Variants in ANKRD12 observed in about 807,000 individuals in gnomAD.
ANKRD12 encodes the protein ankyrin repeat domain 12.
A neutral mutation model predicts 183.4 loss-of-function variants in ANKRD12; 85 were observed. The observed-to-expected ratio is 0.46, with a 90% confidence interval of 0.39 to 0.56. The LOEUF is 0.56. Among genes scored for constraint, ANKRD12 ranks in the 20% least tolerant of loss-of-function variants. The probability of loss-of-function intolerance (pLI) is 0.00; values close to 1 mark genes in which losing one functional copy is unlikely to be tolerated. For missense variants in ANKRD12, 2,405 were observed against 2,357.1 expected (o/e 1.02, Z -0.42); for synonymous variants, 914 against 800.2 (o/e 1.14, Z -2.40).
intron 10 of ANKRD12, among the ~76,000 whole-genome samples, chr18:9,266,551 C>CAGT (rs1446837638): frequency 6.6e-6 from 1 of 152,150 alleles, no homozygotes; most frequent in Non-Finnish European, 1.5e-5. Flanking sequence ...AAATACTTTA[C>CAGT]AGACAAGCAA....
intron 7 of ANKRD12, among the ~76,000 whole-genome samples, chr18:9,219,902 C>T (rs530104836): frequency 6.6e-6 from 1 of 152,312 alleles, no homozygotes; most frequent in Admixed American, 6.5e-5. Context: ...TTGCTCCTCT[C>T]TCACCCTGGG....
intron 1 of ANKRD12, among the ~76,000 whole-genome samples, chr18:9,146,361 CT>C (rs2078493441): frequency 6.6e-6 from 1 of 152,004 alleles, no homozygotes; most frequent in Non-Finnish European, 1.5e-5. Flanking sequence ...TGAGCCCAGC[CT>C]GGGCCAAAAT....
chr18:9,212,387 T>TA (rs540655914), intron 6 of ANKRD12, among the ~76,000 whole-genome samples: 58 of 152,112 alleles, frequency 3.8e-4, no homozygotes, highest in Non-Finnish European at 6.8e-4. Context: ...AGCAAATACT[T>TA]ACTTATATAT....
intron 1 of ANKRD12, among the ~76,000 whole-genome samples, chr18:9,177,672 T>C (rs1261907066): frequency 1.3e-5 from 2 of 152,170 alleles, no homozygotes; most frequent in Non-Finnish European, 2.9e-5. Flanking sequence ...TGTCAAACAT[T>C]AGAACTTATT....
intron 1 of ANKRD12, among the ~76,000 whole-genome samples, chr18:9,140,375 C>T (rs1365927671): frequency 1.3e-5 from 2 of 152,146 alleles, no homozygotes; most frequent in Non-Finnish European, 2.9e-5. Context: ...GATACATTTT[C>T]TGATCCCCAC....
chr18:9,255,508 T>C lies in ANKRD12; in HGVS notation c.2241T>C (p.Phe747=), dbSNP rs748966895. Residue 747 remains phenylalanine (F), a synonymous_variant, in exon 9 of 13, where the codon TTT becomes TTC. Coordinates refer to ENST00000262126, the MANE Select transcript of ANKRD12 (RefSeq NM_015208.5). ...AGCATGTGTCAAAAGAGAGGAACTT[T>C]AAAGAGGAACGAGACAAGATTAAAA... is the stretch of plus-strand genomic sequence containing the variant. ...KEKHVSKERN[F]KEERDKIKKE... is the part of the protein sequence containing the mutation. The C allele has an allele frequency of 6.4e-6, 10 of 1,572,880 alleles. No homozygotes were observed. The highest frequency in any genetic ancestry group is 8.6e-7 in the Non-Finnish European group (1 of 1,168,496).
intron 8 of ANKRD12, chr18:9,239,336 C>A: frequency 5.4e-6 from 1 of 185,830 alleles, no homozygotes; most frequent in Non-Finnish European, 1.1e-5. Context: ...AGTGCTGCAA[C>A]AAATTTTCCC....
In ANKRD12 at chr18:9,255,084, G is replaced by T. The variant is rs1368228720; in HGVS notation, c.1817G>T (p.Ser606Ile). 6.3e-7 allele frequency: 1 copy of T among 1,578,254 alleles called. No individual in the cohort carries two copies. The highest frequency in any genetic ancestry group is 1.4e-5 in the African/African-American group (1 of 72,576). Residue 606 changes from serine to isoleucine, a missense_variant, in exon 9 of 13, where the codon AGC becomes ATC. By Grantham distance (142) the Ser-to-Ile change is moderately radical (BLOSUM62 -2). Around this residue, in one of 7 missense-constraint regions of ANKRD12, gnomAD observed 1,983 missense variants for 1,725.9 expected, o/e 1.15. Transcript: ENST00000262126. ...SVKSCKHKEK[S>I]KHQKDFHLEF... ...AAATCTTGTAAGCATAAGGAAAAAAGCAAACATCAGAAAGATTTCCACTTA... is the reference window on the plus strand; with the variant it reads ...AAATCTTGTAAGCATAAGGAAAAAATCAAACATCAGAAAGATTTCCACTTA...
At chr18:9,277,218 G>A (rs1261805111) in intron 11 of ANKRD12, among the ~76,000 whole-genome samples, 1 of 152,128 alleles carries the variant, frequency 6.6e-6, no homozygotes, top group Non-Finnish European at 1.5e-5. Flanking sequence ...TACCCCAGGT[G>A]GCTAAGGTGG....
intron 1 of ANKRD12, among the ~76,000 whole-genome samples, chr18:9,178,634 C>T (rs2033474310): frequency 6.6e-6 from 1 of 152,054 alleles, no homozygotes; most frequent in East Asian, 1.9e-4. Flanking sequence ...AGGTTCTTAA[C>T]ATTTTCATAT....
intron 1 of ANKRD12, among the ~76,000 whole-genome samples, chr18:9,145,972 A>G (rs985978889): frequency 6.6e-6 from 1 of 152,190 alleles, no homozygotes; most frequent in Non-Finnish European, 1.5e-5. Context: ...GGTTCTGTGT[A>G]TATTTTGAAG....
intron 10 of ANKRD12, among the ~76,000 whole-genome samples, chr18:9,266,325 A>G (rs1050384881): frequency 3.9e-5 from 6 of 152,230 alleles, no homozygotes; most frequent in African/African-American, 1.2e-4. Flanking sequence ...CAGATTCACC[A>G]AAGTTGAAAT....
chr18:9,220,918 A>G (rs888127778), intron 7 of ANKRD12, among the ~76,000 whole-genome samples: 1 of 152,304 alleles, frequency 6.6e-6, no homozygotes, highest in South Asian at 2.1e-4. Flanking sequence ...GATTGATGGT[A>G]GCAGAGTTGT....
At chr18:9,215,160 A>C (rs932647022) in intron 6 of ANKRD12, among the ~76,000 whole-genome samples, 1 of 152,146 alleles carries the variant, frequency 6.6e-6, no homozygotes, top group Non-Finnish European at 1.5e-5. Context: ...TAATGTGGAC[A>C]AAAGTACCCT....
In ANKRD12 at chr18:9,255,689, A is replaced by G. The variant is rs1475975203; in HGVS notation, c.2422A>G (p.Ile808Val). ...GLHLVEKEIDIEKQEKHIKES... is the reference protein window; with the variant it reads ...GLHLVEKEIDVEKQEKHIKES... ...TCATTTAGTGGAAAAGGAAATAGAC[A>G]TTGAAAAACAAGAAAAGCATATAAA... The change falls in exon 9 of 13, where the codon ATT (isoleucine) becomes GTT (valine). Residue 808 changes from isoleucine (I) to valine (V), a missense_variant. By Grantham distance (29) the Ile-to-Val change is conservative. Around this residue, in one of 7 missense-constraint regions of ANKRD12, gnomAD observed 1,983 missense variants for 1,725.9 expected, o/e 1.15. Coordinates refer to ENST00000262126, the MANE Select transcript of ANKRD12 (RefSeq NM_015208.5). 1.3e-6 allele frequency: 2 copies of G among 1,595,084 alleles called. No individual in the cohort carries two copies. The highest frequency in any genetic ancestry group is 1.7e-6 in the Non-Finnish European group (2 of 1,175,156).
intron 12 of ANKRD12, 66 bp downstream of exon 12, chr18:9,279,710 C>G (rs1473235736): frequency 2.3e-6 from 2 of 887,508 alleles, no homozygotes; most frequent in Non-Finnish European, 3.5e-6. Context: ...AAAAACTCTA[C>G]AGCTGTATTA....
In ANKRD12 at chr18:9,256,548, G is replaced by C; in HGVS notation, c.3281G>C (p.Trp1094Ser). The C allele has an allele frequency of 6.3e-7, 1 of 1,597,690 alleles. No homozygotes were observed. The highest frequency in any genetic ancestry group is 1.8e-5 in the Admixed American group (1 of 55,772). The change falls in exon 9 of 13, where the codon TGG becomes TCG. Residue 1094 changes from tryptophan (W) to serine (S), a missense_variant. By Grantham distance (177) the Trp-to-Ser change is radical (BLOSUM62 -3). Transcript: ENST00000262126. ...CTTAAAGACCTAGAAATAGAACAGT[G>C]GCACAAAAAACATAAGGAAAAAATT... is the stretch of plus-strand genomic sequence containing the variant. ...LSLKDLEIEQ[W>S]HKKHKEKIKQ...
At chr18:9,168,909 G>C (rs991567100) in intron 1 of ANKRD12, among the ~76,000 whole-genome samples, 4 of 152,018 alleles carry the variant, frequency 2.6e-5, no homozygotes, top group Middle Eastern at 3.4e-3. Context: ...CAGAGATTCT[G>C]GTATGTTGTG....
At position 9,220,559 on chromosome 18, in the gene ANKRD12, T is replaced by C. The variant is rs2036366147; in HGVS notation, c.796-1293T>C. Among the ~76,000 whole-genome samples, 4 of 152,298 alleles carry C rather than the reference T, an allele frequency of 2.6e-5. No homozygotes were observed. In the South Asian group the frequency reaches 8.3e-4, roughly 32 times the overall value. ...CAAGGCTTCAGTGACTGGGAAAATT[T>C]TGGTGCCAGTTACTGAGAATGGAAA... is the stretch of plus-strand genomic sequence containing the variant. On this transcript the variant is annotated intron_variant, in intron 7 of 12. Coordinates refer to ENST00000262126, the MANE Select transcript of ANKRD12 (RefSeq NM_015208.5).
Sources: allele counts gnomAD v4.1 joint callset (sites outside exome capture counted in the v4.1 genomes callset), GRCh38; gene constraint gnomAD v4.1.1; regional missense constraint gnomAD v4.1.1; transcripts MANE v1.5; gene names NCBI Gene and HGNC (gene_info 2026-07-23, HGNC 2026-07-21).